Variants in MARCHF6 observed in about 807,000 individuals in gnomAD.
MARCHF6 encodes the protein E3 ubiquitin-protein ligase MARCHF6.
MARCHF6 carries 31 observed loss-of-function variants against 133.7 expected under a neutral mutation model. That is an observed-to-expected ratio of 0.23 (90% CI 0.17 to 0.31). The LOEUF (loss-of-function observed/expected upper bound fraction) is 0.31, where lower values mean the gene tolerates loss of function less well. Among genes scored for constraint, MARCHF6 ranks in the 10% least tolerant of loss-of-function variants. The pLI is 1.00. For missense variants in MARCHF6, 723 were observed against 1,121.6 expected (o/e 0.64, Z 5.08); for synonymous variants, 395 against 402.5 (o/e 0.98, Z 0.22).
Position 10,411,391 on chromosome 5 carries a change from C to G in MARCHF6, c.1750C>G (p.Gln584Glu). The G allele has an allele frequency of 6.2e-7, 1 of 1,614,142 alleles. No individual in the cohort carries two copies. The highest frequency in any genetic ancestry group is 8.5e-7 in the Non-Finnish European group (1 of 1,180,018). The change falls in exon 19 of 26, where the codon CAA becomes GAA. Residue 584 changes from glutamine to glutamate, a missense_variant. Around this residue, in one of 4 missense-constraint regions of MARCHF6, gnomAD observed 492 missense variants for 699.5 expected, o/e 0.70. Coordinates refer to ENST00000274140, the MANE Select transcript of MARCHF6 (RefSeq NM_005885.4). ...QEENENSANQ[Q>E]VNNNQHARNN... is the part of the protein sequence containing the mutation. ...AGAAAATGAAAACAGTGCAAATCAA[C>G]AAGTTAACAATAATCAGCATGCTCG...
chr5:10,401,120 C>A (rs1008402603), intron 11 of MARCHF6: 6 of 355,268 alleles, frequency 1.7e-5, no homozygotes, highest in Non-Finnish European at 2.6e-5. Context: ...TTCTGTCCAT[C>A]TCAAGAACCT....
intron 24 of MARCHF6, among the ~76,000 whole-genome samples, chr5:10,428,823 TTCA>T (rs1192627387): frequency 6.6e-6 from 1 of 152,226 alleles, no homozygotes; most frequent in Non-Finnish European, 1.5e-5. Flanking sequence ...AACCCAGTCA[TTCA>T]TGTTTTCATT....
chr5:10,398,268 G>A (rs551413626), intron 10 of MARCHF6, among the ~76,000 whole-genome samples: 8 of 152,338 alleles, frequency 5.3e-5, no homozygotes, highest in African/African-American at 9.6e-5. Flanking sequence ...ACATTGTGAC[G>A]TGTAAAGCAG....
At chr5:10,392,466 C>T (rs958498282) in intron 7 of MARCHF6, among the ~76,000 whole-genome samples, 21 of 152,282 alleles carry the variant, frequency 1.4e-4, no homozygotes, top group African/African-American at 4.8e-4. Flanking sequence ...AATAAATCAA[C>T]GTCTCGTTTT....
In MARCHF6 at chr5:10,429,828, A is replaced by G. The variant is rs77619554; in HGVS notation, c.2507-65A>G. The stretch of plus-strand genomic sequence containing the variant: ...CAGTCCATTCTTCTAGGGGAAGGAC[A>G]TGTTTACGTTTCATGTCACTGTTAT... On this transcript the variant is annotated intron_variant, in intron 24 of 25. Transcript: ENST00000274140. The G allele has an allele frequency of 1.4e-3, 1,877 of 1,351,636 alleles. 21 individuals are homozygous for G. The African/African-American group carries it at 0.023, about 17-fold the overall frequency. The allele number at this position is 1,351,636 out of a possible 1,614,324, so 83.7% of individuals were successfully genotyped here.
chr5:10,354,395 C>T (rs1260707763), intron 1 of MARCHF6, among the ~76,000 whole-genome samples: 1 of 152,168 alleles, frequency 6.6e-6, no homozygotes, highest in Non-Finnish European at 1.5e-5. Flanking sequence ...CGCCAGATGA[C>T]GGCCGAGTGG....
In MARCHF6 at chr5:10,391,709, A is replaced by C. The variant is rs1737859275; in HGVS notation, c.744A>C (p.Ala248=). Residue 248 remains alanine, a synonymous_variant, in exon 7 of 26, where the codon GCA becomes GCC. Transcript: ENST00000274140. ...ATGACGCTGGTGTGGAGGATGCGGC[A>C]GATGCTAATAACGGAGCCCAGGGTA... ...EEDDAGVEDA[A]DANNGAQDDM... is the part of the protein sequence containing the mutation. 1.3e-6 allele frequency: 2 copies of C among 1,575,444 alleles called. No homozygotes were observed. Among genetic ancestry groups the C allele is most frequent in the Non-Finnish European group, 1.7e-6 (2 of 1,160,448 alleles).
At position 10,423,841 on chromosome 5, in the gene MARCHF6, T is replaced by C. The variant is rs1442818930; in HGVS notation, c.2373+17T>C. Reference sequence around the variant, plus strand: ...ATTGAACAGGTAAGCAAAATCAGTTTTCAGAGAAAGACATTCTGGAATTGG... The same window carrying C: ...ATTGAACAGGTAAGCAAAATCAGTTCTCAGAGAAAGACATTCTGGAATTGG... On this transcript the variant is annotated intron_variant, in intron 23 of 25. Transcript: ENST00000274140. 8 of 1,578,074 alleles carry C rather than the reference T, an allele frequency of 5.1e-6. No individual in the cohort carries two copies. In the South Asian group the frequency reaches 8.9e-5, roughly 18 times the overall value.
chr5:10,387,686 T>C (rs1737575658), intron 5 of MARCHF6, among the ~76,000 whole-genome samples: 1 of 152,194 alleles, frequency 6.6e-6, no homozygotes. Flanking sequence ...TGTTTTGTTT[T>C]TTTAAATGGA....
At chr5:10,382,384 T>C (rs1737202033) in intron 4 of MARCHF6, among the ~76,000 whole-genome samples, 1 of 150,070 alleles carries the variant, frequency 6.7e-6, no homozygotes, top group South Asian at 2.1e-4. Flanking sequence ...GGAGAATTGC[T>C]TAAACCCAGG....
intron 14 of MARCHF6, 89 bp downstream of exon 14, chr5:10,402,696 C>T: frequency 9.0e-7 from 1 of 1,105,496 alleles, no homozygotes; most frequent in Non-Finnish European, 1.4e-6. Flanking sequence ...TAAAGGAAAG[C>T]AAATATTTGA....
intron 1 of MARCHF6, chr5:10,354,783 A>G (rs1021461303): frequency 1.3e-5 from 2 of 152,036 alleles, no homozygotes; most frequent in African/African-American, 2.4e-5. Flanking sequence ...ATGCTTTTCT[A>G]CTTTAGGTAT....
chr5:10,379,581 C>G (rs886712337), intron 3 of MARCHF6, among the ~76,000 whole-genome samples: 1 of 152,030 alleles, frequency 6.6e-6, no homozygotes, highest in South Asian at 2.1e-4. Flanking sequence ...CTGCCTCAGC[C>G]TCCCGAGTAG....
In MARCHF6 at chr5:10,433,692, G is replaced by A. The variant is rs1239554861; in HGVS notation, c.*8G>A. The A allele has an allele frequency of 6.2e-7, 1 of 1,612,668 alleles. No individual in the cohort carries two copies. Among genetic ancestry groups the A allele is most frequent in the Non-Finnish European group, 8.5e-7 (1 of 1,178,688 alleles). On this transcript the variant is annotated 3_prime_UTR_variant, in exon 26 of 26. Transcript: ENST00000274140. ...CAGTCATCCCAAGAATAAAGTAGTT[G>A]TCTCAACAACTTGACCTTCCCCTTT...
At chr5:10,393,119 A>G (rs1477828956) in intron 7 of MARCHF6, among the ~76,000 whole-genome samples, 1 of 152,128 alleles carries the variant, frequency 6.6e-6, no homozygotes, top group African/African-American at 2.4e-5. Flanking sequence ...GGGAGGGAGT[A>G]CAGTGGCAGG....
rs1740738751 is a variant in MARCHF6 at position 10,438,662 on chromosome 5, T to C, written c.*4978T>C. 6.6e-6 allele frequency: 1 copy of C among 152,232 alleles called. No individual in the cohort carries two copies. Among genetic ancestry groups the C allele is most frequent in the Admixed American group, 6.5e-5 (1 of 15,288 alleles). 9.4% of individuals were successfully genotyped at this position (152,232 alleles called of 1,614,324 possible). ...GTTTTGTTTCTAGCACTGTATTTAG[T>C]ACTGTAGTTGAATGAGGTATGATGT... is the stretch of plus-strand genomic sequence containing the variant. On this transcript the variant is annotated 3_prime_UTR_variant, in exon 26 of 26. Transcript: ENST00000274140.
chr5:10,365,842 T>C lies in MARCHF6; in HGVS notation c.19+11925T>C, dbSNP rs934296685. ...GCTGTCTTTTTTTTGCATTTTCTTC[T>C]TTAGGCTATGGTGTTTTTACCTAGT... On this transcript the variant is annotated intron_variant, in intron 1 of 25. Coordinates refer to ENST00000274140, the MANE Select transcript of MARCHF6 (RefSeq NM_005885.4). Among the ~76,000 whole-genome samples the C allele has an allele frequency of 6.5e-4, 99 of 152,218 alleles. 1 individual carries two copies. Among genetic ancestry groups the C allele is most frequent in the Non-Finnish European group, 3.7e-4 (25 of 68,032 alleles).
chr5:10,369,587 A>G (rs1736336220), intron 1 of MARCHF6, among the ~76,000 whole-genome samples: 1 of 143,676 alleles, frequency 7.0e-6, no homozygotes, highest in African/African-American at 2.5e-5. Context: ...CAGTCAAGGT[A>G]TAGAATAGTT....
intron 21 of MARCHF6, among the ~76,000 whole-genome samples, chr5:10,416,726 G>T (rs779017923): frequency 1.8e-4 from 27 of 151,932 alleles, no homozygotes; most frequent in Non-Finnish European, 2.4e-4. Context: ...TCTCCTCTCT[G>T]TGTCAGCTTT....
Sources: gnomAD v4.1 joint callset for allele counts (sites outside exome capture counted in the v4.1 genomes callset) on GRCh38, gnomAD v4.1.1 for gene constraint, gnomAD v4.1.1 regional missense constraint, MANE v1.5 for transcripts, NCBI Gene and HGNC (gene_info 2026-07-23, HGNC 2026-07-21) for gene names.